GABRB1: variants seen among roughly 807,000 people sequenced by gnomAD.
GABRB1 encodes gamma-aminobutyric acid type A receptor subunit beta1, also known as gamma-aminobutyric acid receptor subunit beta-1.
In GABRB1, 17 loss-of-function variants were observed where a neutral mutation model predicts 51.6. The ratio of observed to expected loss-of-function variants is 0.33; its 90% CI spans 0.23 to 0.49. The LOEUF is 0.49. GABRB1 is among the 20% of genes least tolerant of loss of function. The pLI, the probability that GABRB1 is intolerant of heterozygous loss-of-function variation, is 0.99. For synonymous variants in GABRB1, 247 were observed against 218.9 expected (o/e 1.13, Z -1.14); for missense variants, 410 against 600.6 (o/e 0.68, Z 3.32).
intron 3 of GABRB1, among the ~76,000 whole-genome samples, chr4:47,038,630 G>A (rs1438020964): frequency 1.3e-5 from 2 of 152,130 alleles, no homozygotes; most frequent in Non-Finnish European, 2.9e-5. Context: ...GATAAAACCA[G>A]GGTGTTTGTC....
intron 3 of GABRB1, among the ~76,000 whole-genome samples, chr4:47,119,153 A>G (rs917267432): frequency 6.6e-6 from 1 of 152,196 alleles, no homozygotes; most frequent in African/African-American, 2.4e-5. Flanking sequence ...GAAATTTGGC[A>G]TAGAATGGAG....
At chr4:47,185,413 C>A (rs374913342) in intron 4 of GABRB1, among the ~76,000 whole-genome samples, 1 of 151,826 alleles carries the variant, frequency 6.6e-6, no homozygotes, top group African/African-American at 2.4e-5. Flanking sequence ...GTTTGCACCA[C>A]AACCCTACCA....
At chr4:47,353,097 A>G (rs1726420435) in intron 5 of GABRB1, among the ~76,000 whole-genome samples, 2 of 152,216 alleles carry the variant, frequency 1.3e-5, no homozygotes, top group Admixed American at 1.3e-4. Context: ...AACCTCTGAT[A>G]AAACCATCAG....
intron 3 of GABRB1, among the ~76,000 whole-genome samples, chr4:47,107,818 AG>A (rs1424477987): frequency 2.0e-5 from 3 of 152,080 alleles, no homozygotes; most frequent in African/African-American, 7.2e-5. Flanking sequence ...TTCTTAAAAC[AG>A]GATTTTCCCA....
intron 4 of GABRB1, among the ~76,000 whole-genome samples, chr4:47,249,319 G>T (rs1296427227): frequency 6.6e-6 from 1 of 152,068 alleles, no homozygotes; most frequent in East Asian, 1.9e-4. Flanking sequence ...GCATGGTTTT[G>T]AAGGTTCCTT....
chr4:47,031,786 GT>G, intron 1 of GABRB1, 55 bp downstream of exon 1: 1 of 1,554,226 alleles, frequency 6.4e-7, no homozygotes, highest in Non-Finnish European at 8.9e-7. Context: ...TTTTTTCTTG[GT>G]ATGTTTCTTT....
At chr4:47,341,369 C>A (rs1725887819) in intron 5 of GABRB1, among the ~76,000 whole-genome samples, 1 of 152,122 alleles carries the variant, frequency 6.6e-6, no homozygotes, top group Admixed American at 6.5e-5. Flanking sequence ...CACAATAATC[C>A]ACAACGTTTA....
chr4:47,335,906 A>T (rs1396193882), intron 5 of GABRB1, among the ~76,000 whole-genome samples: 2 of 152,180 alleles, frequency 1.3e-5, no homozygotes, highest in African/African-American at 2.4e-5. Context: ...AATACAGAAG[A>T]TTTAAACCTG....
At chr4:47,403,750 T>G (rs764363819) in intron 7 of GABRB1, 39 bp downstream of exon 7, 1 of 1,592,160 alleles carries the variant, frequency 6.3e-7, no homozygotes, top group African/African-American at 1.3e-5. Context: ...TAACAGATTT[T>G]ACTTTCAAAC....
At chr4:47,169,893 T>C (rs946537210) in intron 4 of GABRB1, among the ~76,000 whole-genome samples, 3 of 152,156 alleles carry the variant, frequency 2.0e-5, no homozygotes, top group South Asian at 2.1e-4. Flanking sequence ...ACATCATTTC[T>C]AGGAAGACAG....
chr4:47,271,719 A>T (rs1011046924), intron 4 of GABRB1, among the ~76,000 whole-genome samples: 6 of 152,098 alleles, frequency 3.9e-5, no homozygotes, highest in Admixed American at 1.3e-4. Flanking sequence ...ACGTTTCAGG[A>T]GTGGGACAGT....
intron 1 of GABRB1, among the ~76,000 whole-genome samples, chr4:47,021,641 G>A (rs1724932101): frequency 6.6e-6 from 1 of 151,966 alleles, no homozygotes; most frequent in Non-Finnish European, 1.5e-5. Context: ...AGAATTATCT[G>A]TTCATCAATA....
At chr4:47,360,400 G>T (rs1726762221) in intron 5 of GABRB1, among the ~76,000 whole-genome samples, 1 of 151,558 alleles carries the variant, frequency 6.6e-6, no homozygotes. Context: ...AAATAAAAAT[G>T]GAATCCAGCC....
At chr4:47,077,136 G>T (rs567462121) in intron 3 of GABRB1, among the ~76,000 whole-genome samples, 2 of 152,200 alleles carry the variant, frequency 1.3e-5, no homozygotes, top group African/African-American at 4.8e-5. Flanking sequence ...CAAAAGATTT[G>T]TTCCACACAT....
chr4:47,363,330 C>G (rs1179727437), intron 5 of GABRB1, among the ~76,000 whole-genome samples: 7 of 152,240 alleles, frequency 4.6e-5, no homozygotes, highest in Admixed American at 4.6e-4. Context: ...GACTACCATG[C>G]TACATACCAT....
chr4:47,013,410 C>A (rs1724641972), intron 1 of GABRB1, among the ~76,000 whole-genome samples: 1 of 152,122 alleles, frequency 6.6e-6, no homozygotes, highest in African/African-American at 2.4e-5. Flanking sequence ...TCCACCCACC[C>A]TAGCCTCCCG....
At chr4:47,055,784 G>T (rs1726570673) in intron 3 of GABRB1, among the ~76,000 whole-genome samples, 1 of 152,150 alleles carries the variant, frequency 6.6e-6, no homozygotes, top group Admixed American at 6.5e-5. Context: ...CACCTTGCGT[G>T]TTCATGGTCT....
At chr4:47,286,761 A>G (rs779896300) in intron 4 of GABRB1, among the ~76,000 whole-genome samples, 1 of 152,240 alleles carries the variant, frequency 6.6e-6, no homozygotes, top group Non-Finnish European at 1.5e-5. Context: ...TGTTCAATGT[A>G]GACAATAAAT....
At chr4:47,411,393 A>G (rs891736270) in intron 8 of GABRB1, among the ~76,000 whole-genome samples, 9 of 152,182 alleles carry the variant, frequency 5.9e-5, no homozygotes, top group Admixed American at 1.3e-4. Flanking sequence ...AAAAAACAGT[A>G]TTAAAAGGTT....
Sources: gnomAD v4.1 joint callset for allele counts (sites outside exome capture counted in the v4.1 genomes callset) on GRCh38, gnomAD v4.1.1 for gene constraint, MANE v1.5 for transcripts, NCBI Gene and HGNC (gene_info 2026-07-23, HGNC 2026-07-21) for gene names.